Variants in PLXDC2 observed in about 807,000 individuals in gnomAD.
The protein encoded by PLXDC2 is plexin domain containing 2.
A neutral mutation model predicts 68.9 loss-of-function variants in PLXDC2; 40 were observed. The observed-to-expected ratio is 0.58, with a 90% confidence interval of 0.45 to 0.76. The LOEUF (loss-of-function observed/expected upper bound fraction) is 0.76. Among genes scored for constraint, PLXDC2 ranks in the 30% least tolerant of loss-of-function variants. The pLI, the probability that PLXDC2 is intolerant of heterozygous loss-of-function variation, is 0.00. For missense variants in PLXDC2, 644 were observed against 661.9 expected, an observed-to-expected ratio of 0.97 and a Z score of 0.30; for synonymous variants, 243 against 234.2, an observed-to-expected ratio of 1.04 and a Z score of -0.34.
intron 1 of PLXDC2, among the ~76,000 whole-genome samples, chr10:19,986,718 CCT>C (rs1834648168): frequency 6.6e-6 from 1 of 152,156 alleles, no homozygotes; most frequent in African/African-American, 2.4e-5. Context: ...GATGTCTTTT[CCT>C]CTCTTTATCC....
chr10:20,281,452 A>T lies in PLXDC2; in HGVS notation c.*1633A>T, dbSNP rs1836080988. 6.6e-6 allele frequency: 1 copy of T among 152,200 alleles called. No homozygotes were observed. The highest frequency in any genetic ancestry group is 2.4e-5 in the African/African-American group (1 of 41,456). 9.4% of individuals were successfully genotyped at this position (152,200 alleles called of 1,614,324 possible). On this transcript the variant is annotated 3_prime_UTR_variant, in exon 14 of 14. Transcript: ENST00000377252. ...CAGATTCAGGTCTCAAGAAGCAGAG[A>T]TGTCTCATAAGCAGCATTTTCCCAA... is the stretch of plus-strand genomic sequence containing the variant.
intron 4 of PLXDC2, among the ~76,000 whole-genome samples, chr10:20,125,987 A>G (rs1332123373): frequency 6.7e-6 from 1 of 148,624 alleles, no homozygotes; most frequent in African/African-American, 2.4e-5. Flanking sequence ...TATGTGCTAT[A>G]CATACACACA....
chr10:19,916,059 G>A (rs1352165733), intron 1 of PLXDC2, among the ~76,000 whole-genome samples: 1 of 151,658 alleles, frequency 6.6e-6, no homozygotes, highest in Non-Finnish European at 1.5e-5. Flanking sequence ...AATGCTCTGT[G>A]GGTAAGAATG....
chr10:19,932,153 C>T (rs563918840), intron 1 of PLXDC2, among the ~76,000 whole-genome samples: 8 of 152,256 alleles, frequency 5.3e-5, no homozygotes, highest in South Asian at 2.1e-4. Flanking sequence ...ACATAGTGTT[C>T]GCTATTTTTG....
intron 4 of PLXDC2, among the ~76,000 whole-genome samples, chr10:20,120,040 C>T (rs1833675076): frequency 6.6e-6 from 1 of 152,090 alleles, no homozygotes; most frequent in African/African-American, 2.4e-5. Context: ...TTGGGGATAG[C>T]ACCAGGAGAT....
At chr10:20,079,356 C>T (rs1836510814) in intron 4 of PLXDC2, among the ~76,000 whole-genome samples, 1 of 152,186 alleles carries the variant, frequency 6.6e-6, no homozygotes, top group Non-Finnish European at 1.5e-5. Flanking sequence ...GAGAAAACAA[C>T]AAATGCTGGC....
intron 13 of PLXDC2, among the ~76,000 whole-genome samples, chr10:20,270,469 C>T (rs971211096): frequency 1.3e-5 from 2 of 152,106 alleles, no homozygotes; most frequent in Admixed American, 1.3e-4. Flanking sequence ...TGATTCATTA[C>T]ATTGAATATG....
intron 4 of PLXDC2, among the ~76,000 whole-genome samples, chr10:20,112,901 A>G (rs1833576738): frequency 6.6e-6 from 1 of 152,230 alleles, no homozygotes; most frequent in Admixed American, 6.5e-5. Flanking sequence ...GGTTTTCTTT[A>G]GACTATGGAA....
intron 1 of PLXDC2, among the ~76,000 whole-genome samples, chr10:19,903,512 CA>C (rs1838192478): frequency 6.6e-6 from 1 of 151,888 alleles, no homozygotes; most frequent in Non-Finnish European, 1.5e-5. Context: ...TCTGTGGTAT[CA>C]GTTGTAATAT....
At chr10:20,248,969 G>T (rs764061019) in intron 13 of PLXDC2, among the ~76,000 whole-genome samples, 2 of 152,176 alleles carry the variant, frequency 1.3e-5, no homozygotes, top group African/African-American at 4.8e-5. Flanking sequence ...AAAGGAAGAA[G>T]AAACGCCATT....
chr10:19,882,940 T>TTTTTTTTTTCCTTTCTTTC (rs1837756265), intron 1 of PLXDC2, among the ~76,000 whole-genome samples: 1 of 99,936 alleles, frequency 1.0e-5, no homozygotes, highest in African/African-American at 3.7e-5. Flanking sequence ...TTAAAATTTT[T>TTTTTTTTTTCCTTTCTTTC]TTTTTTTTTT....
At chr10:19,893,502 T>C (rs1008712657) in intron 1 of PLXDC2, among the ~76,000 whole-genome samples, 5 of 152,126 alleles carry the variant, frequency 3.3e-5, no homozygotes, top group African/African-American at 1.2e-4. Flanking sequence ...ACAAATACAT[T>C]GAGAGAAGTT....
At chr10:20,146,379 C>T (rs1834077903) in intron 5 of PLXDC2, among the ~76,000 whole-genome samples, 1 of 151,304 alleles carries the variant, frequency 6.6e-6, no homozygotes. Flanking sequence ...CTTCCTCCCT[C>T]CCTCCTTTCT....
intron 12 of PLXDC2, among the ~76,000 whole-genome samples, chr10:20,225,583 A>T (rs11819718): frequency 0.034 from 5,162 of 152,268 alleles, 261 homozygotes; most frequent in African/African-American, 0.11. Flanking sequence ...TCATACTGAA[A>T]AGTTCTTCTA....
chr10:20,125,161 C>T (rs1284687354), intron 4 of PLXDC2, among the ~76,000 whole-genome samples: 1 of 152,094 alleles, frequency 6.6e-6, no homozygotes, highest in East Asian at 1.9e-4. Flanking sequence ...CCTACCCACA[C>T]ACCTGTTTCC....
chr10:19,965,127 TTGAG>T (rs1834226331), intron 1 of PLXDC2, among the ~76,000 whole-genome samples: 1 of 152,206 alleles, frequency 6.6e-6, no homozygotes, highest in South Asian at 2.1e-4. Flanking sequence ...TTATTCAAAA[TTGAG>T]TATCACATGA....
At chr10:20,240,204 G>A (rs1409709036) in intron 12 of PLXDC2, among the ~76,000 whole-genome samples, 1 of 152,118 alleles carries the variant, frequency 6.6e-6, no homozygotes, top group Non-Finnish European at 1.5e-5. Flanking sequence ...TCCTGTGTTA[G>A]TTTGCTTAGG....
At position 20,044,100 on chromosome 10, in the gene PLXDC2, C is replaced by CTTCT. The variant is rs1300054448; in HGVS notation, c.325-2766_325-2765insTTTC. Among the ~76,000 whole-genome samples, 12 of 117,318 alleles carry CTTCT rather than the reference C, an allele frequency of 1.0e-4. No homozygotes were observed. The East Asian group carries it at 3.2e-3, about 32-fold the overall frequency. The allele number at this position is 117,318 out of a possible 152,430, so 77.0% of individuals were successfully genotyped here. A position where few individuals can be genotyped will look rare whatever the true frequency, so the allele number is the denominator to read the frequency against. On this transcript the variant is annotated intron_variant, in intron 2 of 13. Transcript: ENST00000377252. ...GCAGGGATCTGGCTTTTTCCCCTTC[C>CTTCT]TTCCTTCCTTCCTTCCTTCCTTCCT...
intron 2 of PLXDC2, among the ~76,000 whole-genome samples, chr10:20,022,265 G>T (rs1835324821): frequency 6.6e-6 from 1 of 152,162 alleles, no homozygotes; most frequent in African/African-American, 2.4e-5. Context: ...GTATTTTTTA[G>T]TAAATGAAGC....
Sources: gnomAD v4.1 joint callset for allele counts (sites outside exome capture counted in the v4.1 genomes callset) on GRCh38, gnomAD v4.1.1 for gene constraint, MANE v1.5 for transcripts, NCBI Gene and HGNC (gene_info 2026-07-23, HGNC 2026-07-21) for gene names.